Variants in EXPH5 observed in about 807,000 individuals in gnomAD.
The protein encoded by EXPH5 is exophilin 5.
A neutral mutation model predicts 41.1 loss-of-function variants in EXPH5; 42 were observed. The observed-to-expected ratio is 1.02, with a 90% CI of 0.80 to 1.32. The LOEUF (loss-of-function observed/expected upper bound fraction) is 1.32. Among genes scored for constraint, EXPH5 ranks in the 40% most tolerant of loss-of-function variants. The pLI is 0.00. For synonymous variants in EXPH5, 798 were observed against 833.5 expected (o/e 0.96, Z 0.73); for missense variants, 2,298 against 2,314.5 (o/e 0.99, Z 0.15).
chr11:108,557,746 A>G (rs2093996153), intron 1 of EXPH5, among the ~76,000 whole-genome samples: 1 of 152,218 alleles, frequency 6.6e-6, no homozygotes, highest in South Asian at 2.1e-4. Context: ...CCATTAAAAC[A>G]TAAACTACAA....
At chr11:108,525,981 C>A (rs189943442) in intron 4 of EXPH5, among the ~76,000 whole-genome samples, 2 of 145,176 alleles carry the variant, frequency 1.4e-5, no homozygotes, top group African/African-American at 5.2e-5. Flanking sequence ...GTGATGCAAT[C>A]GTAGCTCACT....
At chr11:108,544,059 T>C (rs1309856117) in intron 1 of EXPH5, among the ~76,000 whole-genome samples, 1 of 152,214 alleles carries the variant, frequency 6.6e-6, no homozygotes, top group Non-Finnish European at 1.5e-5. Context: ...CACCCTTTTC[T>C]GTTTCTGAAA....
At chr11:108,568,445 T>C (rs538898467) in intron 1 of EXPH5, among the ~76,000 whole-genome samples, 3 of 152,270 alleles carry the variant, frequency 2.0e-5, no homozygotes, top group South Asian at 2.1e-4. Flanking sequence ...CCAGGCCATC[T>C]GGAGCCGAGG....
At chr11:108,573,938 G>C (rs1156352849) in intron 1 of EXPH5, among the ~76,000 whole-genome samples, 2 of 152,120 alleles carry the variant, frequency 1.3e-5, no homozygotes, top group East Asian at 1.9e-4. Context: ...GTCTCACTCT[G>C]TTGCCCAGGC....
intron 5 of EXPH5, among the ~76,000 whole-genome samples, chr11:108,515,854 CG>C (rs1336567766): frequency 6.6e-6 from 1 of 151,974 alleles, no homozygotes; most frequent in East Asian, 1.9e-4. Flanking sequence ...GGGCGGATCA[CG>C]AGGTCAGGAG....
intron 1 of EXPH5, among the ~76,000 whole-genome samples, chr11:108,543,508 T>C (rs2093923303): frequency 6.6e-6 from 1 of 152,172 alleles, no homozygotes; most frequent in East Asian, 1.9e-4. Context: ...GTTCCAACCT[T>C]GGGAGATTCT....
intron 3 of EXPH5, among the ~76,000 whole-genome samples, chr11:108,528,695 CTTTTT>C (rs58500316): frequency 9.4e-6 from 1 of 106,326 alleles, no homozygotes; most frequent in Non-Finnish European, 1.9e-5. Flanking sequence ...TTTTCTTTCC[CTTTTT>C]TTTTTTTTTT....
intron 1 of EXPH5, among the ~76,000 whole-genome samples, chr11:108,557,082 C>T (rs1468126461): frequency 2.6e-5 from 4 of 152,240 alleles, no homozygotes; most frequent in Non-Finnish European, 5.9e-5. Flanking sequence ...GCCTTTGTGC[C>T]ATTTAGGCCT....
rs2094134112 is a variant in EXPH5, at chr11:108,593,683, T to G, written c.-147A>C. 1.3e-6 allele frequency: 2 copies of G among 1,554,094 alleles called. No individual in the cohort carries two copies. Among genetic ancestry groups the G allele is most frequent in the Non-Finnish European group, 1.7e-6 (2 of 1,151,304 alleles). ...CTTTGAAAGTCTAAAACCACAAACC[T>G]AGGGAACGCCCACACCTGAAGGGCT... On this transcript the variant is annotated 5_prime_UTR_variant, in exon 1 of 6. An upstream open reading frame in the 5' UTR loses its in-frame stop. Coordinates refer to ENST00000265843, the MANE Select transcript of EXPH5 (RefSeq NM_015065.3).
chr11:108,570,528 T>C (rs912083891), intron 1 of EXPH5, among the ~76,000 whole-genome samples: 8 of 152,176 alleles, frequency 5.3e-5, no homozygotes, highest in Admixed American at 3.9e-4. Context: ...GTGCTGGGAT[T>C]ACAGGTGTGA....
chr11:108,584,768 G>T (rs1418698720), intron 1 of EXPH5, among the ~76,000 whole-genome samples: 1 of 152,168 alleles, frequency 6.6e-6, no homozygotes, highest in Non-Finnish European at 1.5e-5. Context: ...ATTTCAAAAT[G>T]CATCAGTGTA....
chr11:108,548,576 C>T (rs2093949427), intron 1 of EXPH5, among the ~76,000 whole-genome samples: 1 of 152,152 alleles, frequency 6.6e-6, no homozygotes, highest in South Asian at 2.1e-4. Flanking sequence ...TCGATAATGG[C>T]ATTATGTTTA....
chr11:108,593,084 C>G (rs1025897206), intron 1 of EXPH5, among the ~76,000 whole-genome samples: 4 of 152,240 alleles, frequency 2.6e-5, no homozygotes, highest in Middle Eastern at 3.2e-3. Flanking sequence ...TTGCCTGAAA[C>G]GGCCCACGCC....
intron 4 of EXPH5, among the ~76,000 whole-genome samples, 185 bp from the exon 5 acceptor site, chr11:108,518,558 C>A (rs7943820): frequency 2.0e-5 from 3 of 152,050 alleles, no homozygotes; most frequent in Admixed American, 2.0e-4. Context: ...CCTGCAACTT[C>A]TCTATACCTA....
intron 1 of EXPH5, among the ~76,000 whole-genome samples, chr11:108,548,229 C>CTT (rs71050862): frequency 2.0e-5 from 3 of 150,264 alleles, no homozygotes; most frequent in South Asian, 2.1e-4. Flanking sequence ...AAGTTTTTGA[C>CTT]TTTTTTTTCT....
At chr11:108,607,492 A>G in the EXPH5 span, among the ~76,000 whole-genome samples, 1 of 152,206 alleles carries the variant, frequency 6.6e-6, no homozygotes, top group Non-Finnish European at 1.5e-5. Flanking sequence ...CATCTGGGCA[A>G]TTGGAAATGA....
chr11:108,511,754 T>G lies in EXPH5; in HGVS notation c.3753A>C (p.Ser1251=), dbSNP rs757787649. 5.6e-6 allele frequency: 9 copies of G among 1,612,474 alleles called. No homozygotes were observed. Among genetic ancestry groups the G allele is most frequent in the Non-Finnish European group, 7.6e-6 (9 of 1,179,628 alleles). The change falls in exon 6 of 6, where the codon TCA becomes TCC. Residue 1251 remains serine (S), a synonymous_variant. Transcript: ENST00000265843. ...EDNVKCLEVV[S]IYYTLPRKPS... ...GTTTCCTCGGTAGAGTGTAATATAT[T>G]GAGACCACCTCCAGACATTTTACAT...
the EXPH5 span, among the ~76,000 whole-genome samples, chr11:108,600,664 T>C: frequency 6.6e-6 from 1 of 152,232 alleles, no homozygotes; most frequent in Non-Finnish European, 1.5e-5. Flanking sequence ...TTAACCTCCA[T>C]AAATTAATTT....
At chr11:108,584,456 C>T (rs182017615) in intron 1 of EXPH5, among the ~76,000 whole-genome samples, 170 of 150,628 alleles carry the variant, frequency 1.1e-3, no homozygotes, top group Middle Eastern at 3.4e-3. Flanking sequence ...CCAGCTTAGG[C>T]GACAAAGAGA....
Sources: allele counts gnomAD v4.1 joint callset (sites outside exome capture counted in the v4.1 genomes callset), GRCh38; gene constraint gnomAD v4.1.1; transcripts MANE v1.5; gene names NCBI Gene and HGNC (gene_info 2026-07-23, HGNC 2026-07-21).